The following SNRNP200 variants were observed in gnomAD, a reference collection of about 807,000 sequenced individuals.
SNRNP200 encodes the protein U5 small nuclear ribonucleoprotein 200 kDa helicase.
Under a neutral mutation model 255.2 loss-of-function variants are expected in SNRNP200, and 66 were observed. The ratio of observed to expected loss-of-function variants is 0.26; its 90% CI spans 0.21 to 0.32. SNRNP200 has a LOEUF of 0.32. Among genes scored for constraint, SNRNP200 ranks in the 10% least tolerant of loss-of-function variants. The pLI is 1.00. For missense variants in SNRNP200, 1,585 were observed against 2,749.8 expected (o/e 0.58, Z 9.47); for synonymous variants, 939 against 1,027.8 (o/e 0.91, Z 1.65).
At position 96,278,106 on chromosome 2, in the gene SNRNP200, G is replaced by A. The variant is rs1018292445; in HGVS notation, c.5610+131C>T. On this transcript the variant is annotated intron_variant, in intron 39 of 44. Coordinates refer to ENST00000323853, the MANE Select transcript of SNRNP200 (RefSeq NM_014014.5). This position sits in a 1 kb window ranked among gnomAD's most constrained non-coding sequence, Gnocchi z 6.9. The stretch of plus-strand genomic sequence containing the variant: ...TGGAGATGGGTTTGAGGGAGGTATG[G>A]AGCGGGAGGACATATGGCGGGGGTC... The A allele has an allele frequency of 6.5e-7, 1 of 1,527,602 alleles. No homozygotes were observed. The highest frequency in any genetic ancestry group is 1.4e-5 in the African/African-American group (1 of 73,180). 94.6% of individuals were successfully genotyped at this position (1,527,602 alleles called of 1,614,324 possible). A position where few individuals can be genotyped will look rare whatever the true frequency, so the allele number is the denominator to read the frequency against.
At chr2:96,281,747 T>A in intron 35 of SNRNP200, 67 bp downstream of exon 35, 4 of 1,206,066 alleles carry the variant, frequency 3.3e-6, no homozygotes, top group East Asian at 2.3e-5. Flanking sequence ...ACTTTCTGTG[T>A]ATCTGCAGAT....
chr2:96,299,505 T>G (rs1022195822), intron 5 of SNRNP200, 78 bp from the exon 6 acceptor site: 8 of 1,212,310 alleles, frequency 6.6e-6, no homozygotes, highest in Non-Finnish European at 9.8e-6. Context: ...CAAGTCACCC[T>G]AAATTAGCTC....
At chr2:96,280,598 G>A (rs1684742093) in intron 35 of SNRNP200, among the ~76,000 whole-genome samples, 2 of 151,836 alleles carry the variant, frequency 1.3e-5, no homozygotes, top group African/African-American at 4.8e-5. Flanking sequence ...TGCTCAGGCT[G>A]GAGTGCAGTG....
Position 96,281,895 on chromosome 2 carries a change from C to T in SNRNP200, c.4943G>A (p.Arg1648Gln), listed in dbSNP as rs200426430. The part of the protein sequence containing the change: ...SGAIQVVVAS[R>Q]SLCWGMNVAA... The stretch of plus-strand genomic sequence containing the variant: ...CACGTTCATGCCCCAGCAGAGACTC[C>T]GAGAAGCCACCACCACCTGGATAGC... Residue 1648 changes from arginine to glutamine, a missense_variant, in exon 35 of 45, where the codon CGG becomes CAG. Around this residue, in one of 9 missense-constraint regions of SNRNP200, gnomAD observed 719 missense variants for 1,091.1 expected, o/e 0.66. Coordinates refer to ENST00000323853, the MANE Select transcript of SNRNP200 (RefSeq NM_014014.5). The T allele has an allele frequency of 1.1e-4, 183 of 1,613,918 alleles. No homozygotes were observed. The highest frequency in any genetic ancestry group is 1.3e-4 in the Non-Finnish European group (154 of 1,179,998).
Position 96,298,589 on chromosome 2 carries a change from C to G in SNRNP200, c.982+14G>C, listed in dbSNP as rs1328642646. ...ATGTACTCACTCTGCAGGAAGACCC[C>G]ACCATATACTCACTCATCATCCTGT... On this transcript the variant is annotated intron_variant, in intron 8 of 44. Transcript: ENST00000323853. 6.2e-7 allele frequency: 1 copy of G among 1,612,720 alleles called. No individual in the cohort carries two copies. The highest frequency in any genetic ancestry group is 8.5e-7 in the Non-Finnish European group (1 of 1,178,830).
At chr2:96,284,094 AAAATG>A in intron 31 of SNRNP200, 90 bp from the exon 32 acceptor site, 1 of 1,254,266 alleles carries the variant, frequency 8.0e-7, no homozygotes, top group Middle Eastern at 2.0e-4. Context: ...CAACAGCCTC[AAAATG>A]ACCTCATTCT....
At position 96,274,587 on chromosome 2, in the gene SNRNP200, G is replaced by A. The variant is rs767463028; in HGVS notation, c.*425C>T. On this transcript the variant is annotated 3_prime_UTR_variant, in exon 45 of 45. Transcript: ENST00000323853. ...TGGGCTGACTCACGAGGCTACAGGG[G>A]ACAGCACACCTAATGAGCAGGTCTG... 3.2e-6 allele frequency: 1 copy of A among 316,314 alleles called. No homozygotes were observed. Among genetic ancestry groups the A allele is most frequent in the African/African-American group, 2.2e-5 (1 of 46,036 alleles). 19.6% of individuals were successfully genotyped at this position (316,314 alleles called of 1,614,324 possible). A position where few individuals can be genotyped will look rare whatever the true frequency, so the allele number is the denominator to read the frequency against.
Position 96,285,302 on chromosome 2 carries a change from C to A in SNRNP200, c.4042G>T (p.Val1348Leu). The A allele has an allele frequency of 3.1e-6, 5 of 1,614,152 alleles. No homozygotes were observed. The highest frequency in any genetic ancestry group is 4.2e-6 in the Non-Finnish European group (5 of 1,180,028). The change falls in exon 30 of 45, where the codon GTG becomes TTG. Residue 1348 changes from valine (V) to leucine (L), a missense_variant. Coordinates refer to ENST00000323853, the MANE Select transcript of SNRNP200 (RefSeq NM_014014.5). ...TVYNSDDNVF[V>L]GAPTGSGKTI... ...TTCCCGCTGCCCGTGGGGGCCCCCA[C>A]AAACACGTTGTCGTCACTGTTGTAT...
intron 35 of SNRNP200, chr2:96,279,907 G>T (rs1048703526): frequency 6.2e-6 from 2 of 320,774 alleles, no homozygotes; most frequent in South Asian, 2.7e-5. Context: ...AATTATTATT[G>T]TTTTTATTTG....
rs529119181 is a variant in SNRNP200 at position 96,297,660 on chromosome 2, T to C, written c.1180A>G (p.Met394Val). 10 of 1,614,126 alleles carry C rather than the reference T, an allele frequency of 6.2e-6. No homozygotes were observed. The highest frequency in any genetic ancestry group is 1.1e-5 in the South Asian group (1 of 91,090). Reference protein sequence around the residue: ...QSRMDTDLETMDLDQGGEALA... With the variant: ...QSRMDTDLETVDLDQGGEALA... ...ACCTCTCCACCCTGGTCGAGATCCATGGTTTCCAGATCTGTGTCCATTCGA... is the reference window on the plus strand; with the variant it reads ...ACCTCTCCACCCTGGTCGAGATCCACGGTTTCCAGATCTGTGTCCATTCGA... Residue 394 changes from methionine (M) to valine (V), a missense_variant, in exon 10 of 45, where the codon ATG becomes GTG. Met to Val is a conservative substitution (Grantham distance 21). Coordinates refer to ENST00000323853, the MANE Select transcript of SNRNP200 (RefSeq NM_014014.5).
At chr2:96,297,188 G>A (rs934950853) in intron 11 of SNRNP200, 118 bp from the exon 12 acceptor site, 5 of 1,532,228 alleles carry the variant, frequency 3.3e-6, no homozygotes, top group African/African-American at 1.4e-5. Context: ...TCCATTAAAG[G>A]TCAGTCCAGA....
rs1684700362 is a variant in SNRNP200 at position 96,278,128 on chromosome 2, G to A, written c.5610+109C>T. On this transcript the variant is annotated intron_variant, in intron 39 of 44. Coordinates refer to ENST00000323853, the MANE Select transcript of SNRNP200 (RefSeq NM_014014.5). This position sits in a 1 kb window ranked among gnomAD's most constrained non-coding sequence, Gnocchi z 6.9. Reference sequence around the variant, plus strand: ...ATGGAGCGGGAGGACATATGGCGGGGGTCGGGGGATGCGTATGGGCGTGTT... The same window carrying A: ...ATGGAGCGGGAGGACATATGGCGGGAGTCGGGGGATGCGTATGGGCGTGTT... 6.4e-7 allele frequency: 1 copy of A among 1,566,664 alleles called. No homozygotes were observed. Among genetic ancestry groups the A allele is most frequent in the Admixed American group, 1.7e-5 (1 of 59,926 alleles).
rs771067816 is a variant in SNRNP200, at chr2:96,287,030, C to T, written c.3615G>A (p.Thr1205=). The change falls in exon 27 of 45, where the codon ACG becomes ACA. Residue 1205 remains threonine (T), a synonymous_variant. Coordinates refer to ENST00000323853, the MANE Select transcript of SNRNP200 (RefSeq NM_014014.5). The surrounding 1 kb of genome is among the most constrained non-coding windows in gnomAD (Gnocchi z 5.7). ...CCTTTTCATCCCACTGGAAGTCTGG[C>T]GTGATGGTCAGCTCCACCTTCAGGG... The part of the protein sequence containing the change: ...RSTLKVELTI[T]PDFQWDEKVH... The T allele has an allele frequency of 4.2e-5, 67 of 1,614,056 alleles. No individual in the cohort carries two copies. Among genetic ancestry groups the T allele is most frequent in the Middle Eastern group, 1.6e-4 (1 of 6,084 alleles).
Position 96,293,381 on chromosome 2 carries a change from G to A in SNRNP200, c.1971C>T (p.Asn657=). Residue 657 remains asparagine, a synonymous_variant, in exon 15 of 45, where the codon AAC becomes AAT. Coordinates refer to ENST00000323853, the MANE Select transcript of SNRNP200 (RefSeq NM_014014.5). ...RLIGLSATLP[N]YEDVATFLRV... ...GTAGAAAGGTGGCTACATCTTCATA[G>A]TTGGGTAGGGTGGCACTGAGACCAA... 1 of 1,614,170 alleles carries A rather than the reference G, an allele frequency of 6.2e-7. No homozygotes were observed. The highest frequency in any genetic ancestry group is 8.5e-7 in the Non-Finnish European group (1 of 1,180,034).
In SNRNP200 at chr2:96,284,014, G is replaced by C; in HGVS notation, c.4393-10C>G. 1 of 1,487,476 alleles carries C rather than the reference G, an allele frequency of 6.7e-7. No homozygotes were observed. Among genetic ancestry groups the C allele is most frequent in the Non-Finnish European group, 9.2e-7 (1 of 1,089,798 alleles). 92.1% of individuals were successfully genotyped at this position (1,487,476 alleles called of 1,614,324 possible). On this transcript the variant is annotated splice_polypyrimidine_tract_variant and intron_variant, in intron 31 of 44. Transcript: ENST00000323853. The stretch of plus-strand genomic sequence containing the variant: ...TCACTTCTAAGACAGGCTGGAAAGA[G>C]GGAGGGAGGGAGGGTCACTGCAGGC...
At chr2:96,280,697 G>A (rs35636943) in intron 35 of SNRNP200, among the ~76,000 whole-genome samples, 17 of 151,194 alleles carry the variant, frequency 1.1e-4, no homozygotes, top group Middle Eastern at 6.8e-3. Context: ...TTACAGGCGC[G>A]TGCCACCACA....
At position 96,297,187 on chromosome 2, in the gene SNRNP200, G is replaced by A. The variant is rs375158026; in HGVS notation, c.1378-117C>T. On this transcript the variant is annotated intron_variant, in intron 11 of 44. Coordinates refer to ENST00000323853, the MANE Select transcript of SNRNP200 (RefSeq NM_014014.5). ...TCTCTTTGCATAACTTTCCATTAAA[G>A]GTCAGTCCAGAGATCAATATTGTCC... 9 of 1,533,964 alleles carry A rather than the reference G, an allele frequency of 5.9e-6. No homozygotes were observed. In the African/African-American group the frequency reaches 9.5e-5, roughly 16 times the overall value.
chr2:96,293,546 A>G, intron 14 of SNRNP200, 37 bp from the exon 15 acceptor site: 1 of 1,566,774 alleles, frequency 6.4e-7, no homozygotes, highest in South Asian at 1.1e-5. Context: ...CTCTAGCACT[A>G]GAGATACATA....
chr2:96,300,153 G>A (rs2063943672), intron 5 of SNRNP200, among the ~76,000 whole-genome samples: 1 of 152,102 alleles, frequency 6.6e-6, no homozygotes, highest in Middle Eastern at 3.4e-3. Context: ...TCCCTTTCAG[G>A]AGCCACTTCT....
Sources: gnomAD v4.1 joint callset for allele counts (sites outside exome capture counted in the v4.1 genomes callset) on GRCh38, gnomAD v4.1.1 for gene constraint, gnomAD v4.1.1 regional missense constraint, Gnocchi (gnomAD v3.1) non-coding constraint, MANE v1.5 for transcripts, NCBI Gene and HGNC (gene_info 2026-07-23, HGNC 2026-07-21) for gene names.